The following SLC12A2 variants were observed in gnomAD, a reference collection of about 807,000 sequenced individuals.
SLC12A2 encodes solute carrier family 12 member 2.
Under a neutral mutation model 136.3 loss-of-function variants are expected in SLC12A2, and 67 were observed. The ratio of observed to expected loss-of-function variants is 0.49; its 90% confidence interval spans 0.40 to 0.60. SLC12A2 has a LOEUF of 0.60. SLC12A2 is among the 20% of genes least tolerant of loss of function. The probability of loss-of-function intolerance (pLI) is 0.00; values close to 1 mark genes in which losing one functional copy is unlikely to be tolerated. For missense variants in SLC12A2, 1,322 were observed against 1,534.7 expected, an observed-to-expected ratio of 0.86 and a Z score of 2.32; for synonymous variants, 619 against 562.9, an observed-to-expected ratio of 1.10 and a Z score of -1.41.
chr5:128,084,222 G>A lies in SLC12A2; in HGVS notation c.268G>A (p.Ala90Thr). The change falls in exon 1 of 27, where the codon GCC (alanine) becomes ACC (threonine). Residue 90 changes from alanine (A) to threonine (T), a missense_variant. Ala to Thr is a moderately conservative substitution (Grantham distance 58). Transcript: ENST00000262461. This position sits in a 1 kb window ranked among gnomAD's most constrained non-coding sequence, Gnocchi z 5.6. ...RFQVDLVSENAGRAAAAAAAA... is the reference protein window; with the variant it reads ...RFQVDLVSENTGRAAAAAAAA... ...CCAGGTGGACCTGGTTTCCGAGAAC[G>A]CCGGGCGGGCCGCTGCTGCGGCGGC... is the stretch of plus-strand genomic sequence containing the variant. 7.8e-7 allele frequency: 1 copy of A among 1,275,586 alleles called. No individual in the cohort carries two copies. The highest frequency in any genetic ancestry group is 9.8e-7 in the Non-Finnish European group (1 of 1,020,544). The allele number at this position is 1,275,586 out of a possible 1,614,324, so 79.0% of individuals were successfully genotyped here.
chr5:128,177,201 C>CAA, intron 21 of SLC12A2, 49 bp downstream of exon 21: 1 of 1,294,348 alleles, frequency 7.7e-7, no homozygotes, highest in Admixed American at 2.1e-5. Context: ...ATACTGTAAA[C>CAA]TCTTTAACTC....
At chr5:128,179,089 C>T (rs1052092177) in intron 22 of SLC12A2, among the ~76,000 whole-genome samples, 6 of 152,202 alleles carry the variant, frequency 3.9e-5, no homozygotes, top group Non-Finnish European at 5.9e-5. Context: ...TTTGTACCTT[C>T]ACTGGTGAAA....
chr5:128,084,239 TGCGGCGGCGGCGGCGGCGGCGGCA>T lies in SLC12A2; in HGVS notation c.297_320del (p.Ala100_Ala107del), dbSNP rs560532409. ...CCGAGAACGCCGGGCGGGCCGCTGCTGCGGCGGCGGCGGCGGCGGCGGCAGCGGCGGCGGCTGGTGCTGGGGCGG... is the reference window on the plus strand; with the variant it reads ...CCGAGAACGCCGGGCGGGCCGCTGCTGCGGCGGCGGCTGGTGCTGGGGCGG... On this transcript the variant is annotated inframe_deletion, in exon 1 of 27. Transcript: ENST00000262461. The surrounding 1 kb of genome is among the most constrained non-coding windows in gnomAD (Gnocchi z 5.6). 4.5e-4 allele frequency: 575 copies of T among 1,279,592 alleles called. 54 individuals carry two copies. In the East Asian group the frequency reaches 0.014, roughly 31 times the overall value. The allele number at this position is 1,279,592 out of a possible 1,614,324, so 79.3% of individuals were successfully genotyped here.
chr5:128,163,491 C>T (rs753405142), intron 17 of SLC12A2, among the ~76,000 whole-genome samples: 43 of 151,918 alleles, frequency 2.8e-4, no homozygotes, highest in Non-Finnish European at 5.3e-4. Flanking sequence ...ATCATGCCAC[C>T]GCACTCCAGT....
At chr5:128,085,898 ATAC>A (rs1186294035) in intron 1 of SLC12A2, among the ~76,000 whole-genome samples, 1 of 152,214 alleles carries the variant, frequency 6.6e-6, no homozygotes, top group Non-Finnish European at 1.5e-5. Flanking sequence ...GCTTTAGATA[ATAC>A]TATTCTTGTT....
At position 128,108,253 on chromosome 5, in the gene SLC12A2, A is replaced by G. The variant is rs141116953; in HGVS notation, c.757-4561A>G. ...AAAGGAAGAGATGAGAAAAATGACC[A>G]GAAGTAGTCACTTCAAGAATTATAT... On this transcript the variant is annotated intron_variant, in intron 1 of 26. Coordinates refer to ENST00000262461, the MANE Select transcript of SLC12A2 (RefSeq NM_001046.3). 6.8e-4 allele frequency among the ~76,000 whole-genome samples: 104 copies of G among 152,316 alleles called. 1 individual carries two copies. Among genetic ancestry groups the G allele is most frequent in the African/African-American group, 2.5e-3 (102 of 41,566 alleles).
intron 9 of SLC12A2, among the ~76,000 whole-genome samples, chr5:128,139,325 T>G (rs537186866): frequency 3.9e-5 from 6 of 152,210 alleles, no homozygotes; most frequent in African/African-American, 1.4e-4. Context: ...AAGCAATGCT[T>G]GGCAATTTTT....
intron 16 of SLC12A2, among the ~76,000 whole-genome samples, chr5:128,159,581 G>A (rs1762969347): frequency 6.6e-6 from 1 of 152,198 alleles, no homozygotes. Flanking sequence ...CTGTCAAAAA[G>A]TGGGCAAAGG....
chr5:128,120,198 G>C (rs1351868735), intron 4 of SLC12A2, among the ~76,000 whole-genome samples: 1 of 151,924 alleles, frequency 6.6e-6, no homozygotes, highest in Non-Finnish European at 1.5e-5. Context: ...TCATTAAAAA[G>C]TCAGGAAACA....
At chr5:128,140,391 T>G (rs1176133909) in intron 9 of SLC12A2, among the ~76,000 whole-genome samples, 2 of 152,226 alleles carry the variant, frequency 1.3e-5, no homozygotes, top group Non-Finnish European at 2.9e-5. Context: ...CGGATGAATA[T>G]ATATGCCTAG....
chr5:128,183,178 G>T (rs529923688), intron 24 of SLC12A2, among the ~76,000 whole-genome samples: 4 of 152,170 alleles, frequency 2.6e-5, no homozygotes, highest in Admixed American at 6.5e-5. Context: ...CTGAAAGGTG[G>T]TTCATTTCCA....
intron 4 of SLC12A2, among the ~76,000 whole-genome samples, chr5:128,130,684 CAAAA>C (rs1278588481): frequency 2.1e-5 from 3 of 141,778 alleles, no homozygotes; most frequent in African/African-American, 5.1e-5. Context: ...TTTCTGAAAA[CAAAA>C]AAAAAAGCAT....
rs776566282 is a variant in SLC12A2 at position 128,138,640 on chromosome 5, A to G, written c.1452A>G (p.Glu484=). ...NENFGPDFRE[E]ETFFSVFAIF... ...ACTTTGGGCCCGATTTTCGAGAGGA[A>G]GAGACTTTCTTTTCTGTATTTGCCA... is the stretch of plus-strand genomic sequence containing the variant. The change falls in exon 8 of 27, where the codon GAA becomes GAG. Residue 484 remains glutamate (E), a synonymous_variant. Coordinates refer to ENST00000262461, the MANE Select transcript of SLC12A2 (RefSeq NM_001046.3). The G allele has an allele frequency of 9.9e-5, 160 of 1,613,370 alleles. No individual in the cohort carries two copies. The highest frequency in any genetic ancestry group is 4.2e-6 in the Non-Finnish European group (5 of 1,179,814).
intron 5 of SLC12A2, among the ~76,000 whole-genome samples, chr5:128,132,116 C>G (rs774297091): frequency 1.8e-4 from 28 of 152,176 alleles, no homozygotes; most frequent in Non-Finnish European, 3.1e-4. Flanking sequence ...GTCTTATTTC[C>G]ATTGAAGTTA....
chr5:128,182,149 T>G (rs1384777949), intron 23 of SLC12A2, among the ~76,000 whole-genome samples: 1 of 152,152 alleles, frequency 6.6e-6, no homozygotes, highest in Non-Finnish European at 1.5e-5. Context: ...GAAATACTAA[T>G]AATAAATTTA....
chr5:128,132,693 C>T (rs1762064878), intron 5 of SLC12A2, among the ~76,000 whole-genome samples: 1 of 152,138 alleles, frequency 6.6e-6, no homozygotes, highest in South Asian at 2.1e-4. Context: ...AGTATAAAAT[C>T]TGACAAGGAT....
intron 15 of SLC12A2, among the ~76,000 whole-genome samples, chr5:128,156,362 T>A (rs1053639587): frequency 7.8e-4 from 119 of 152,122 alleles, no homozygotes; most frequent in Non-Finnish European, 5.0e-4. Flanking sequence ...TTTGTGCCTT[T>A]AAAAAAAATC....
At chr5:128,149,322 G>C (rs1178932356) in intron 12 of SLC12A2, among the ~76,000 whole-genome samples, 1 of 151,800 alleles carries the variant, frequency 6.6e-6, no homozygotes, top group Non-Finnish European at 1.5e-5. Flanking sequence ...CACAAGTGTT[G>C]TGGGACTATG....
intron 6 of SLC12A2, among the ~76,000 whole-genome samples, chr5:128,134,755 T>C (rs1308474771): frequency 1.3e-5 from 2 of 152,076 alleles, no homozygotes; most frequent in African/African-American, 4.8e-5. Context: ...ATGTTACCCA[T>C]AAGCAGAGCA....
Sources: gnomAD v4.1 joint callset for allele counts (sites outside exome capture counted in the v4.1 genomes callset) on GRCh38, gnomAD v4.1.1 for gene constraint, Gnocchi (gnomAD v3.1) non-coding constraint, MANE v1.5 for transcripts, NCBI Gene and HGNC (gene_info 2026-07-23, HGNC 2026-07-21) for gene names.